Variants in COL8A1 observed in about 807,000 individuals in gnomAD.
COL8A1 encodes collagen alpha-1(VIII) chain.
A neutral mutation model predicts 42.7 loss-of-function variants in COL8A1; 21 were observed. That is an observed-to-expected ratio of 0.49 (90% confidence interval 0.35 to 0.71). The LOEUF (loss-of-function observed/expected upper bound fraction) is 0.71, where lower values mean the gene tolerates loss of function less well. COL8A1 is among the 30% of genes least tolerant of loss of function. The pLI is 0.01. For synonymous variants in COL8A1, 367 were observed against 369.1 expected, an observed-to-expected ratio of 0.99 and a Z score of 0.06; for missense variants, 788 against 962.4, an observed-to-expected ratio of 0.82 and a Z score of 2.40.
At chr3:99,769,821 A>C (rs1362475641) in intron 2 of COL8A1, among the ~76,000 whole-genome samples, 1 of 152,150 alleles carries the variant, frequency 6.6e-6, no homozygotes, top group East Asian at 1.9e-4. Flanking sequence ...CAAGAGGCTG[A>C]GGCAGGAGAA....
chr3:99,764,798 G>T (rs894591489), intron 2 of COL8A1, among the ~76,000 whole-genome samples: 3 of 147,830 alleles, frequency 2.0e-5, no homozygotes, highest in Non-Finnish European at 3.0e-5. Flanking sequence ...CAGTCAGGCA[G>T]ATTTTTCTAA....
chr3:99,680,686 T>C (rs1576427585), intron 1 of COL8A1, among the ~76,000 whole-genome samples: 1 of 152,202 alleles, frequency 6.6e-6, no homozygotes, highest in East Asian at 1.9e-4. Flanking sequence ...ATGATTGCCA[T>C]TCTAACTGGT....
chr3:99,794,000 C>T (rs1055044166), intron 3 of COL8A1, among the ~76,000 whole-genome samples: 8 of 152,198 alleles, frequency 5.3e-5, no homozygotes, highest in Non-Finnish European at 5.9e-5. Flanking sequence ...GATGCATCTG[C>T]CTGGGCCTCC....
chr3:99,784,704 T>C (rs1941858423), intron 2 of COL8A1, among the ~76,000 whole-genome samples: 1 of 152,242 alleles, frequency 6.6e-6, no homozygotes, highest in Non-Finnish European at 1.5e-5. Context: ...ACAGGAATTT[T>C]TCAGCTCCAT....
chr3:99,700,387 C>A (rs1405839658), intron 1 of COL8A1, among the ~76,000 whole-genome samples: 1 of 151,998 alleles, frequency 6.6e-6, no homozygotes, highest in Non-Finnish European at 1.5e-5. Flanking sequence ...CACAGACAGA[C>A]AAACACTCCA....
At chr3:99,678,751 A>G (rs1441627354) in intron 1 of COL8A1, 2 of 152,336 alleles carry the variant, frequency 1.3e-5, no homozygotes, top group African/African-American at 2.4e-5. Context: ...AAAAATAGTT[A>G]CTAATGTTGT....
At chr3:99,663,702 G>C (rs921834834) in intron 1 of COL8A1, among the ~76,000 whole-genome samples, 2 of 152,126 alleles carry the variant, frequency 1.3e-5, no homozygotes, top group African/African-American at 4.8e-5. Context: ...ATGAAAGAAA[G>C]TAGTGAAGAT....
chr3:99,655,054 T>C (rs1937974470), intron 1 of COL8A1, among the ~76,000 whole-genome samples: 1 of 152,134 alleles, frequency 6.6e-6, no homozygotes, highest in Admixed American at 6.5e-5. Flanking sequence ...TAGGTTGCAG[T>C]TGAAAGGCAC....
chr3:99,664,987 C>T (rs996727525), intron 1 of COL8A1, among the ~76,000 whole-genome samples: 4 of 152,220 alleles, frequency 2.6e-5, no homozygotes, highest in African/African-American at 9.6e-5. Context: ...GCTTCTTGCT[C>T]TCTCCTGGGA....
chr3:99,715,247 G>A (rs925127956), intron 1 of COL8A1, among the ~76,000 whole-genome samples: 4 of 152,056 alleles, frequency 2.6e-5, no homozygotes, highest in Non-Finnish European at 5.9e-5. Flanking sequence ...GGATACAAGA[G>A]TGGTCACAGG....
intron 1 of COL8A1, among the ~76,000 whole-genome samples, chr3:99,657,328 TTAGACC>T (rs950476256): frequency 2.0e-5 from 3 of 152,226 alleles, no homozygotes; most frequent in African/African-American, 7.2e-5. Context: ...AACTCATTTA[TTAGACC>T]TAGCATGCAC....
chr3:99,707,775 C>T (rs1398811687), intron 1 of COL8A1, among the ~76,000 whole-genome samples: 3 of 152,136 alleles, frequency 2.0e-5, no homozygotes, highest in African/African-American at 7.2e-5. Context: ...TAGTCTCTGT[C>T]CATGTATATA....
At chr3:99,708,919 T>C (rs965292169) in intron 1 of COL8A1, among the ~76,000 whole-genome samples, 1 of 152,046 alleles carries the variant, frequency 6.6e-6, no homozygotes, top group African/African-American at 2.4e-5. Flanking sequence ...AGGCCTTGCT[T>C]TCCAAATGCT....
At chr3:99,681,327 C>T (rs1296606237) in intron 1 of COL8A1, among the ~76,000 whole-genome samples, 2 of 152,038 alleles carry the variant, frequency 1.3e-5, no homozygotes, top group Admixed American at 6.6e-5. Flanking sequence ...AAAAAGTGGG[C>T]GAAGGATATG....
At chr3:99,680,457 C>T (rs1009699605) in intron 1 of COL8A1, 16 of 152,186 alleles carry the variant, frequency 1.1e-4, no homozygotes, top group African/African-American at 3.6e-4. Context: ...AATAAACATA[C>T]ATGTGCATGT....
chr3:99,663,030 G>T (rs1938255620), intron 1 of COL8A1, among the ~76,000 whole-genome samples: 1 of 152,078 alleles, frequency 6.6e-6, no homozygotes, highest in Admixed American at 6.5e-5. Context: ...AGGTGTAAAA[G>T]GATTTCGGAT....
chr3:99,707,106 G>A (rs1939700816), intron 1 of COL8A1: 1 of 152,196 alleles, frequency 6.6e-6, no homozygotes, highest in Non-Finnish European at 1.5e-5. Context: ...ATGGTGAAGA[G>A]GATACCCTGA....
intron 1 of COL8A1, among the ~76,000 whole-genome samples, chr3:99,643,965 A>G (rs1013080963): frequency 3.3e-5 from 5 of 152,188 alleles, no homozygotes; most frequent in Non-Finnish European, 7.4e-5. Flanking sequence ...GGGACACATC[A>G]GTCAGAATGT....
Position 99,795,629 on chromosome 3 carries a change from T to A in COL8A1, c.1728T>A (p.Pro576=). Residue 576 remains proline, a synonymous_variant, in exon 4 of 4, where the codon CCT becomes CCA. Coordinates refer to ENST00000652472, the MANE Select transcript of COL8A1 (RefSeq NM_020351.4). ...GPPGPPAVMP[P]TPPPQGEYLP... ...CAGGACCCCCAGCTGTGATGCCCCC[T>A]ACACCACCACCCCAGGGAGAGTATC... The A allele has an allele frequency of 6.2e-7, 1 of 1,613,150 alleles. No individual in the cohort carries two copies. Among genetic ancestry groups the A allele is most frequent in the South Asian group, 1.1e-5 (1 of 91,018 alleles).
Sources: allele counts gnomAD v4.1 joint callset (sites outside exome capture counted in the v4.1 genomes callset), GRCh38; gene constraint gnomAD v4.1.1; transcripts MANE v1.5; gene names NCBI Gene and HGNC (gene_info 2026-07-23, HGNC 2026-07-21).